BCL7B: variants seen among roughly 807,000 people sequenced by gnomAD.
The protein encoded by BCL7B is B-cell CLL/lymphoma 7 protein family member B.
Under a neutral mutation model 26.5 loss-of-function variants are expected in BCL7B, and 11 were observed. That is an observed-to-expected ratio of 0.42 (90% confidence interval 0.26 to 0.69). The LOEUF (loss-of-function observed/expected upper bound fraction) is 0.69. Among genes scored for constraint, BCL7B ranks in the 30% least tolerant of loss-of-function variants. The pLI is 0.28. For synonymous variants in BCL7B, 111 were observed against 107.9 expected (o/e 1.03, Z -0.18); for missense variants, 215 against 264.4 (o/e 0.81, Z 1.30).
In BCL7B at chr7:73,543,601, T is replaced by C; in HGVS notation, c.212A>G (p.Asn71Ser). ...KSNSSAAREP[N>S]GFPSDASANS... ...GGCTGAGGCATCAGAAGGAAAGCCATTAGGTTCTCGGGCTGCTGAACTGTT... is the reference window on the plus strand; with the variant it reads ...GGCTGAGGCATCAGAAGGAAAGCCACTAGGTTCTCGGGCTGCTGAACTGTT... Residue 71 changes from asparagine (N) to serine (S), a missense_variant, in exon 3 of 6, where the codon AAT becomes AGT. Coordinates refer to ENST00000223368, the MANE Select transcript of BCL7B (RefSeq NM_001707.4). 2 of 1,613,832 alleles carry C rather than the reference T, an allele frequency of 1.2e-6. No homozygotes were observed. The highest frequency in any genetic ancestry group is 2.2e-5 in the East Asian group (1 of 44,866).
At chr7:73,553,940 A>C (rs1393273610) in intron 1 of BCL7B, among the ~76,000 whole-genome samples, 1 of 151,830 alleles carries the variant, frequency 6.6e-6, no homozygotes, top group African/African-American at 2.4e-5. Context: ...GTCTGCAAAC[A>C]AATGTGTGGA....
In BCL7B at chr7:73,548,595, C is replaced by A. The variant is rs915049806; in HGVS notation, c.168+3572G>T. Among the ~76,000 whole-genome samples, 6 of 151,592 alleles carry A rather than the reference C, an allele frequency of 4.0e-5. No individual in the cohort carries two copies. The South Asian group carries it at 1.3e-3, about 32-fold the overall frequency. On this transcript the variant is annotated intron_variant, in intron 2 of 5. Transcript: ENST00000223368. ...TTACATCACTGCATTCCAGCCTGGG[C>A]GACAGATTGAAACCGTGTCTTACAA...
intron 4 of BCL7B, among the ~76,000 whole-genome samples, chr7:73,538,861 T>C (rs1791643927): frequency 6.7e-6 from 1 of 149,864 alleles, no homozygotes; most frequent in African/African-American, 2.5e-5. Context: ...ATTTAGCATG[T>C]AATGCAGACA....
intron 1 of BCL7B, among the ~76,000 whole-genome samples, chr7:73,553,309 G>C (rs1554584366): frequency 1.2e-4 from 19 of 152,018 alleles, no homozygotes; most frequent in Non-Finnish European, 2.8e-4. Flanking sequence ...CCTGCTGCTG[G>C]GGGGTATGGC....
intron 2 of BCL7B, among the ~76,000 whole-genome samples, chr7:73,547,539 T>C (rs1367103100): frequency 2.6e-5 from 4 of 152,086 alleles, no homozygotes; most frequent in African/African-American, 7.2e-5. Flanking sequence ...ATGCTAAAGT[T>C]TCCAGGAAGC....
At chr7:73,555,175 G>C (rs377409051) in intron 1 of BCL7B, among the ~76,000 whole-genome samples, 2 of 152,124 alleles carry the variant, frequency 1.3e-5, no homozygotes, top group South Asian at 4.1e-4. Flanking sequence ...GGAGGTCATG[G>C]TGGGAGGACC....
chr7:73,551,652 G>A (rs1792177414), intron 2 of BCL7B, among the ~76,000 whole-genome samples: 1 of 152,122 alleles, frequency 6.6e-6, no homozygotes, highest in Admixed American at 6.6e-5. Context: ...AATACGCCAG[G>A]GCTGTAGTTT....
At chr7:73,541,880 G>C (rs2115753211) in intron 3 of BCL7B, among the ~76,000 whole-genome samples, 1 of 152,274 alleles carries the variant, frequency 6.6e-6, no homozygotes, top group East Asian at 1.9e-4. Flanking sequence ...TCAGCTCCAG[G>C]CAGACTGGAC....
At position 73,537,284 on chromosome 7, in the gene BCL7B, G is replaced by A. The variant is rs1554582238; in HGVS notation, c.*14C>T. 4.3e-6 allele frequency: 7 copies of A among 1,613,458 alleles called. No homozygotes were observed. The highest frequency in any genetic ancestry group is 5.9e-6 in the Non-Finnish European group (7 of 1,179,558). ...AATAGAGGCAGGGCCAGGAGGCGGAGGGCCGGGATGGTGCTAGCTTTCTGA... is the reference window on the plus strand; with the variant it reads ...AATAGAGGCAGGGCCAGGAGGCGGAAGGCCGGGATGGTGCTAGCTTTCTGA... On this transcript the variant is annotated 3_prime_UTR_variant, in exon 6 of 6. Transcript: ENST00000223368.
At chr7:73,544,688 T>C (rs1399227807) in intron 2 of BCL7B, among the ~76,000 whole-genome samples, 2 of 152,024 alleles carry the variant, frequency 1.3e-5, no homozygotes, top group African/African-American at 4.8e-5. Flanking sequence ...TTTTTACCTA[T>C]AACATTTGTT....
Position 73,537,434 on chromosome 7 carries a change from ACCAGAACCTTC to A in BCL7B, c.517-55_517-45del, listed in dbSNP as rs782441800. 1.1e-5 allele frequency: 17 copies of A among 1,490,364 alleles called. No homozygotes were observed. In the South Asian group the frequency reaches 1.9e-4, roughly 17 times the overall value. The allele number at this position is 1,490,364 out of a possible 1,614,324, so 92.3% of individuals were successfully genotyped here. ...TGGAATGCCAGGGCCACCCCTCCCA[ACCAGAACCTTC>A]CCACCCACCCGAATTATAATGGGAT... is the stretch of plus-strand genomic sequence containing the variant. On this transcript the variant is annotated intron_variant, in intron 5 of 5. Coordinates refer to ENST00000223368, the MANE Select transcript of BCL7B (RefSeq NM_001707.4).
chr7:73,552,162 C>G lies in BCL7B; in HGVS notation c.168+5G>C, dbSNP rs1792197986. ...TGGTATCTTTTGATTTTCTTCCACA[C>G]TTACCTCCTTGCTGTCTGTCACAGG... On this transcript the variant is annotated splice_donor_5th_base_variant and intron_variant, in intron 2 of 5. Coordinates refer to ENST00000223368, the MANE Select transcript of BCL7B (RefSeq NM_001707.4). 6.2e-7 allele frequency: 1 copy of G among 1,605,540 alleles called. No individual in the cohort carries two copies. Among genetic ancestry groups the G allele is most frequent in the Non-Finnish European group, 8.5e-7 (1 of 1,175,994 alleles).
rs1283677355 is a variant in BCL7B, at chr7:73,552,295, T to A, written c.93-53A>T. ...ATAAAACAATGCAATGTGTTTTCTG[T>A]TCATCACTTGTGTTTTTCTACTACT... On this transcript the variant is annotated intron_variant, in intron 1 of 5. Transcript: ENST00000223368. 5 of 1,437,272 alleles carry A rather than the reference T, an allele frequency of 3.5e-6. No individual in the cohort carries two copies. In the African/African-American group the frequency reaches 7.1e-5, roughly 20 times the overall value. 89.0% of individuals were successfully genotyped at this position (1,437,272 alleles called of 1,614,324 possible). A position where few individuals can be genotyped will look rare whatever the true frequency, so the allele number is the denominator to read the frequency against.
intron 2 of BCL7B, among the ~76,000 whole-genome samples, chr7:73,545,399 G>A (rs113714193): frequency 0.046 from 6,962 of 152,016 alleles, 196 homozygotes; most frequent in Non-Finnish European, 0.066. Flanking sequence ...TTTTTTAGTA[G>A]AGATGGGGTT....
intron 1 of BCL7B, among the ~76,000 whole-genome samples, chr7:73,552,771 T>G (rs1026701863): frequency 1.3e-5 from 2 of 151,602 alleles, no homozygotes; most frequent in East Asian, 1.9e-4. Flanking sequence ...ACAGAGACCC[T>G]GTCTCAAAAG....
At chr7:73,553,813 AAT>A (rs1792265964) in intron 1 of BCL7B, 1 of 154,524 alleles carries the variant, frequency 6.5e-6, no homozygotes, top group South Asian at 2.0e-4. Flanking sequence ...ACGCTCACGA[AAT>A]AAGCAAAGGG....
intron 3 of BCL7B, among the ~76,000 whole-genome samples, chr7:73,541,687 G>A (rs1480639820): frequency 2.0e-5 from 3 of 151,808 alleles, no homozygotes; most frequent in Non-Finnish European, 1.5e-5. Flanking sequence ...GGCTGGTCTC[G>A]AACTCCTGAC....
chr7:73,538,291 C>T (rs1241915762), intron 4 of BCL7B: 1 of 312,552 alleles, frequency 3.2e-6, no homozygotes, highest in East Asian at 5.0e-5. Flanking sequence ...AACATCACAA[C>T]TCTAACTCAA....
intron 3 of BCL7B, 142 bp downstream of exon 3, chr7:73,543,406 G>C (rs1445111128): frequency 1.4e-6 from 1 of 716,162 alleles, no homozygotes; most frequent in Non-Finnish European, 2.4e-6. Flanking sequence ...TTGAACTCCT[G>C]ACCTCAGGTG....
Sources: allele counts gnomAD v4.1 joint callset (sites outside exome capture counted in the v4.1 genomes callset), GRCh38; gene constraint gnomAD v4.1.1; transcripts MANE v1.5; gene names NCBI Gene and HGNC (gene_info 2026-07-23, HGNC 2026-07-21).